Variants in GRAMD1C observed in about 807,000 individuals in gnomAD.
The protein encoded by GRAMD1C is GRAM domain containing 1C.
GRAMD1C carries 89 observed loss-of-function variants against 97.8 expected under a neutral mutation model. That is an observed-to-expected ratio of 0.91 (90% CI 0.77 to 1.09). The LOEUF (loss-of-function observed/expected upper bound fraction) is 1.09. Among genes scored for constraint, GRAMD1C ranks in the 50% least tolerant of loss-of-function variants. The probability of loss-of-function intolerance (pLI) is 0.00; values close to 1 mark genes in which losing one functional copy is unlikely to be tolerated. For missense variants in GRAMD1C, 740 were observed against 766.4 expected (o/e 0.97, Z 0.41); for synonymous variants, 256 against 267.0 (o/e 0.96, Z 0.40).
chr3:113,928,876 A>G (rs891100243), intron 10 of GRAMD1C, among the ~76,000 whole-genome samples: 1 of 152,202 alleles, frequency 6.6e-6, no homozygotes, highest in Non-Finnish European at 1.5e-5. Context: ...TCATCCATTA[A>G]TGACATCTGG....
intron 17 of GRAMD1C, among the ~76,000 whole-genome samples, chr3:113,940,561 A>G (rs977178075): frequency 6.6e-6 from 1 of 152,226 alleles, no homozygotes; most frequent in Non-Finnish European, 1.5e-5. Context: ...AGTATACAAT[A>G]TACACTGTTG....
At chr3:113,868,824 G>A (rs1234191239) in intron 2 of GRAMD1C, among the ~76,000 whole-genome samples, 2 of 152,086 alleles carry the variant, frequency 1.3e-5, no homozygotes, top group Non-Finnish European at 2.9e-5. Flanking sequence ...TTTGTGTTAC[G>A]CACATTGGAG....
intron 6 of GRAMD1C, among the ~76,000 whole-genome samples, chr3:113,898,625 A>G (rs1337218616): frequency 6.6e-6 from 1 of 152,074 alleles, no homozygotes; most frequent in Non-Finnish European, 1.5e-5. Flanking sequence ...GACTTTGTCT[A>G]CCAAATAAGG....
At chr3:113,919,409 G>C in intron 10 of GRAMD1C, 1 of 511,368 alleles carries the variant, frequency 2.0e-6, no homozygotes, top group East Asian at 5.5e-5. Context: ...ATAGAGGCTA[G>C]AGCACCAAGG....
intron 6 of GRAMD1C, among the ~76,000 whole-genome samples, chr3:113,886,777 G>GT (rs34683672): frequency 0.035 from 2,790 of 79,994 alleles, 249 homozygotes; most frequent in African/African-American, 0.081. Context: ...TTGTTTGCTT[G>GT]TTTTTTTTTT....
chr3:113,832,874 C>T (rs1186623008), intron 1 of GRAMD1C, among the ~76,000 whole-genome samples: 1 of 152,188 alleles, frequency 6.6e-6, no homozygotes, highest in African/African-American at 2.4e-5. Context: ...GTTTATATCT[C>T]TGCCTTAGCC....
At chr3:113,865,340 T>G (rs1162538990) in intron 2 of GRAMD1C, among the ~76,000 whole-genome samples, 1 of 152,100 alleles carries the variant, frequency 6.6e-6, no homozygotes, top group African/African-American at 2.4e-5. Context: ...ACAAACCATA[T>G]TCAAACCATA....
intron 5 of GRAMD1C, among the ~76,000 whole-genome samples, chr3:113,877,351 C>A (rs1400863627): frequency 6.6e-6 from 1 of 152,150 alleles, no homozygotes; most frequent in East Asian, 1.9e-4. Flanking sequence ...TCTGTTACTG[C>A]CATTCAGTTC....
upstream of GRAMD1C, among the ~76,000 whole-genome samples, chr3:113,834,624 G>T (rs1709608189): frequency 6.6e-6 from 1 of 152,068 alleles, no homozygotes; most frequent in Non-Finnish European, 1.5e-5. Context: ...GAGTGAAACT[G>T]AGGATCTTTT....
At chr3:113,849,914 G>C (rs1322680716) in intron 2 of GRAMD1C, among the ~76,000 whole-genome samples, 2 of 141,144 alleles carry the variant, frequency 1.4e-5, no homozygotes, top group Admixed American at 7.2e-5. Flanking sequence ...GGCTGGCCAG[G>C]CGGGGGGGCT....
At chr3:113,938,210 A>C in intron 15 of GRAMD1C, 67 bp downstream of exon 15, 1 of 747,078 alleles carries the variant, frequency 1.3e-6, no homozygotes, top group African/African-American at 1.8e-5. Context: ...TTTCCAAAAG[A>C]ATTTGAATGT....
At chr3:113,907,707 CAGTAG>C (rs754278671) in intron 8 of GRAMD1C, among the ~76,000 whole-genome samples, 16 of 152,118 alleles carry the variant, frequency 1.1e-4, no homozygotes, top group Admixed American at 7.2e-4. Flanking sequence ...TCATGAAATA[CAGTAG>C]AGTATACAAA....
At chr3:113,878,421 C>T (rs1299427173) in intron 5 of GRAMD1C, among the ~76,000 whole-genome samples, 1 of 152,136 alleles carries the variant, frequency 6.6e-6, no homozygotes, top group Admixed American at 6.5e-5. Flanking sequence ...TGAAAGAAGC[C>T]AGTGTGTTCA....
chr3:113,930,736 T>C lies in GRAMD1C; in HGVS notation c.1113T>C (p.Thr371=). Residue 371 remains threonine (T), a synonymous_variant, in exon 11 of 18, where the codon ACT becomes ACC. Transcript: ENST00000358160. Reference sequence around the variant, plus strand: ...TAGATGTAGTATCTACCCCTTGGACTGCAGAACTTGGAGGTGATCAGCTGA... The same window carrying C: ...TAGATGTAGTATCTACCCCTTGGACCGCAGAACTTGGAGGTGATCAGCTGA... ...NIIDVVSTPW[T]AELGGDQLRT... is the part of the protein sequence containing the mutation. 1 of 1,603,252 alleles carries C rather than the reference T, an allele frequency of 6.2e-7. No individual in the cohort carries two copies. The highest frequency in any genetic ancestry group is 8.5e-7 in the Non-Finnish European group (1 of 1,169,974).
rs537906368 is a variant in GRAMD1C, at chr3:113,903,695, G to A, written c.657-445G>A. On this transcript the variant is annotated intron_variant, in intron 7 of 17. Transcript: ENST00000358160. Reference sequence around the variant, plus strand: ...GGGCTTAGGCTCAGACATCTTGAGCGTCCACTTCTGGGAGGGCTTCGCCAT... The same window carrying A: ...GGGCTTAGGCTCAGACATCTTGAGCATCCACTTCTGGGAGGGCTTCGCCAT... 1.7e-4 allele frequency among the ~76,000 whole-genome samples: 26 copies of A among 152,060 alleles called. No homozygotes were observed. In the South Asian group the frequency reaches 2.3e-3, roughly 13 times the overall value.
chr3:113,854,438 A>G (rs1206914840), intron 2 of GRAMD1C, among the ~76,000 whole-genome samples: 1 of 152,196 alleles, frequency 6.6e-6, no homozygotes, highest in Non-Finnish European at 1.5e-5. Context: ...AGAAAATCTT[A>G]AAAAGCGTGG....
At chr3:113,884,013 G>A (rs1431284991) in intron 6 of GRAMD1C, among the ~76,000 whole-genome samples, 1 of 151,936 alleles carries the variant, frequency 6.6e-6, no homozygotes, top group African/African-American at 2.4e-5. Context: ...AAAAAATGTT[G>A]GAAAATTCAA....
Position 113,945,564 on chromosome 3 carries a change from T to C in GRAMD1C, c.*86T>C, listed in dbSNP as rs1265288722. 9 of 735,846 alleles carry C rather than the reference T, an allele frequency of 1.2e-5. No individual in the cohort carries two copies. In the Admixed American group the frequency reaches 1.7e-4, roughly 14 times the overall value. 45.6% of individuals were successfully genotyped at this position (735,846 alleles called of 1,614,324 possible). On this transcript the variant is annotated 3_prime_UTR_variant, in exon 18 of 18. Transcript: ENST00000358160. The stretch of plus-strand genomic sequence containing the variant: ...ACCAGACGAATGAAGGATTTTGGCA[T>C]AGAACATTTCTATGTTTTTTCATTA...
At position 113,933,514 on chromosome 3, in the gene GRAMD1C, CTGTATAAAG is replaced by C. The variant is rs1311859197; in HGVS notation, c.1214_1222del (p.Leu405_Glu408delinsGln). 1.2e-6 allele frequency: 2 copies of C among 1,607,908 alleles called. No homozygotes were observed. The highest frequency in any genetic ancestry group is 1.3e-5 in the African/African-American group (1 of 74,766). ...ATTTTTTATCTTACTTTGGCAGACACTGTATAAAGAAAGTCGGGAAGCACGATTTTATTT... is the reference window on the plus strand; with the variant it reads ...ATTTTTTATCTTACTTTGGCAGACACAAAGTCGGGAAGCACGATTTTATTT... On this transcript the variant is annotated inframe_deletion, in exon 12 of 18. Transcript: ENST00000358160.
Sources: gnomAD v4.1 joint callset for allele counts (sites outside exome capture counted in the v4.1 genomes callset) on GRCh38, gnomAD v4.1.1 for gene constraint, MANE v1.5 for transcripts, NCBI Gene and HGNC (gene_info 2026-07-23, HGNC 2026-07-21) for gene names.